Variants in MBNL1 observed in about 807,000 individuals in gnomAD.
MBNL1 encodes the protein muscleblind-like protein 1.
In MBNL1, 8 loss-of-function variants were observed where a neutral mutation model predicts 42.2. That is an observed-to-expected ratio of 0.19 (90% CI 0.11 to 0.34). The LOEUF is 0.34. MBNL1 is among the 10% of genes least tolerant of loss of function. MBNL1 has a pLI of 1.00. For synonymous variants in MBNL1, 169 were observed against 173.9 expected (o/e 0.97, Z 0.22); for missense variants, 309 against 495.3 (o/e 0.62, Z 3.57).
intron 2 of MBNL1, among the ~76,000 whole-genome samples, chr3:152,254,422 T>C (rs753800685): frequency 1.3e-5 from 2 of 152,086 alleles, no homozygotes; most frequent in African/African-American, 2.4e-5. Context: ...AAGAAAAGCA[T>C]GCACCCACTC....
chr3:152,346,672 T>G (rs755587842), intron 2 of MBNL1, among the ~76,000 whole-genome samples: 21 of 152,208 alleles, frequency 1.4e-4, no homozygotes, highest in Middle Eastern at 3.4e-3. Flanking sequence ...GAAGCCACCA[T>G]TATCATTTAC....
chr3:152,429,783 GGTGT>G (rs1195613987), intron 3 of MBNL1, among the ~76,000 whole-genome samples: 5 of 151,248 alleles, frequency 3.3e-5, no homozygotes, highest in Non-Finnish European at 7.4e-5. Flanking sequence ...ATGAAGGAAT[GGTGT>G]GTGTTTGTGT....
At chr3:152,410,512 T>C (rs963266115) in intron 2 of MBNL1, among the ~76,000 whole-genome samples, 4 of 152,276 alleles carry the variant, frequency 2.6e-5, no homozygotes, top group African/African-American at 9.6e-5. Context: ...CCTTAAAATA[T>C]ATACTGCATA....
intron 2 of MBNL1, among the ~76,000 whole-genome samples, chr3:152,248,946 CTCA>C (rs1425994046): frequency 6.6e-6 from 1 of 151,948 alleles, no homozygotes; most frequent in Non-Finnish European, 1.5e-5. Flanking sequence ...AGGACATGAA[CTCA>C]TCATTTTTTA....
chr3:152,251,080 C>A (rs955439827), intron 2 of MBNL1, among the ~76,000 whole-genome samples: 1 of 152,058 alleles, frequency 6.6e-6, no homozygotes, highest in Non-Finnish European at 1.5e-5. Context: ...CAGAGATAAT[C>A]TCTTATATTA....
chr3:152,415,199 T>A, intron 3 of MBNL1, 88 bp downstream of exon 3: 1 of 1,241,042 alleles, frequency 8.1e-7, no homozygotes, highest in Non-Finnish European at 1.1e-6. Context: ...CCGGATCAAA[T>A]GAACACAGGC....
intron 2 of MBNL1, among the ~76,000 whole-genome samples, chr3:152,317,511 G>A (rs1457591148): frequency 6.6e-6 from 1 of 151,984 alleles, no homozygotes; most frequent in African/African-American, 2.4e-5. Context: ...GTATAGATGA[G>A]GTTTCAGCAT....
chr3:152,294,224 A>C (rs2057482619), intron 1 of MBNL1, among the ~76,000 whole-genome samples: 1 of 151,768 alleles, frequency 6.6e-6, no homozygotes. Flanking sequence ...GAATGTGATC[A>C]GTAGGTTAAA....
chr3:152,433,733 G>A (rs976658463), intron 4 of MBNL1, among the ~76,000 whole-genome samples: 3 of 142,100 alleles, frequency 2.1e-5, no homozygotes, highest in Non-Finnish European at 4.5e-5. Flanking sequence ...CTGGGCGACA[G>A]AGCGAGACTC....
At chr3:152,248,861 T>C (rs983798453) in intron 2 of MBNL1, among the ~76,000 whole-genome samples, 4 of 151,372 alleles carry the variant, frequency 2.6e-5, no homozygotes, top group Non-Finnish European at 5.9e-5. Context: ...AGTGAGAACA[T>C]GCAGTGTTTG....
At chr3:152,422,683 C>G (rs2098826986) in intron 3 of MBNL1, among the ~76,000 whole-genome samples, 1 of 152,102 alleles carries the variant, frequency 6.6e-6, no homozygotes. Flanking sequence ...ATTCTAACAT[C>G]AACTACATAA....
chr3:152,347,952 G>A (rs1012580408), intron 2 of MBNL1, among the ~76,000 whole-genome samples: 2 of 152,216 alleles, frequency 1.3e-5, no homozygotes, highest in South Asian at 4.1e-4. Flanking sequence ...AATTGAAAAT[G>A]TAATTATTGT....
In MBNL1 at chr3:152,318,078, C is replaced by A. The variant is rs371389540; in HGVS notation, c.174+17711C>A. On this transcript the variant is annotated intron_variant, in intron 2 of 9. Coordinates refer to ENST00000324210, the MANE Select transcript of MBNL1 (RefSeq NM_021038.5). ...ACAGGATACAGAGAAAATTGATGGT[C>A]AACCTTAGCCTGTAGTATATTTTGA... 1.3e-4 allele frequency among the ~76,000 whole-genome samples: 20 copies of A among 152,266 alleles called. 1 individual carries two copies. In the South Asian group the frequency reaches 4.1e-3, roughly 32 times the overall value.
intron 2 of MBNL1, among the ~76,000 whole-genome samples, chr3:152,352,286 A>G (rs1204785786): frequency 6.6e-6 from 1 of 152,218 alleles, no homozygotes; most frequent in Non-Finnish European, 1.5e-5. Flanking sequence ...AAAAATTATT[A>G]CTATCACTAA....
At chr3:152,269,445 C>CG (rs1559955054) in intron 1 of MBNL1, 1 of 442,674 alleles carries the variant, frequency 2.3e-6, no homozygotes, top group South Asian at 1.6e-5. Context: ...TGACCTTTGT[C>CG]GGGGGAAGGT....
chr3:152,412,948 C>T (rs1402571706), intron 2 of MBNL1, among the ~76,000 whole-genome samples: 1 of 152,176 alleles, frequency 6.6e-6, no homozygotes, highest in African/African-American at 2.4e-5. Context: ...TGCGGAGATA[C>T]TGAGAACAAG....
chr3:152,303,116 T>C (rs2061422390), intron 2 of MBNL1, among the ~76,000 whole-genome samples: 1 of 152,034 alleles, frequency 6.6e-6, no homozygotes, highest in South Asian at 2.1e-4. Flanking sequence ...AGGAAGAAAA[T>C]TAGCTCACTA....
chr3:152,289,671 A>G (rs2054716651), intron 1 of MBNL1, among the ~76,000 whole-genome samples: 1 of 152,160 alleles, frequency 6.6e-6, no homozygotes, highest in South Asian at 2.1e-4. Context: ...TAACATTGGT[A>G]TATTTTTTAA....
intron 2 of MBNL1, among the ~76,000 whole-genome samples, chr3:152,378,066 A>G (rs958877530): frequency 1.3e-5 from 2 of 152,278 alleles, no homozygotes; most frequent in South Asian, 4.1e-4. Flanking sequence ...GCCATGTGGG[A>G]TGGCTCATTC....
Sources: gnomAD v4.1 joint callset for allele counts (sites outside exome capture counted in the v4.1 genomes callset) on GRCh38, gnomAD v4.1.1 for gene constraint, MANE v1.5 for transcripts, NCBI Gene and HGNC (gene_info 2026-07-23, HGNC 2026-07-21) for gene names.